CD300LD: variants seen among roughly 807,000 people sequenced by gnomAD.
CD300LD encodes CMRF35-like molecule 5.
A neutral mutation model predicts 20.3 loss-of-function variants in CD300LD; 18 were observed. The observed-to-expected ratio is 0.89, with a 90% CI of 0.61 to 1.32. CD300LD has a LOEUF of 1.32. Among genes scored for constraint, CD300LD ranks in the 40% most tolerant of loss-of-function variants. The pLI, the probability that CD300LD is intolerant of heterozygous loss-of-function variation, is 0.00. For synonymous variants in CD300LD, 104 were observed against 90.1 expected (o/e 1.15, Z -0.87); for missense variants, 195 against 226.6 (o/e 0.86, Z 0.90).
In CD300LD at chr17:74,591,268, AAATAAT is replaced by A. The variant is rs58060319; in HGVS notation, c.40+889_40+894del. ...ATCTCTACAAAAAAAAAAAAAATAA[AAATAAT>A]AATAATAATAATAATAATCTATTTT... is the stretch of plus-strand genomic sequence containing the variant. On this transcript the variant is annotated intron_variant, in intron 1 of 3. Coordinates refer to ENST00000375352, the MANE Select transcript of CD300LD (RefSeq NM_001115152.2). 5.6e-5 allele frequency among the ~76,000 whole-genome samples: 8 copies of A among 142,390 alleles called. No homozygotes were observed. The South Asian group carries it at 1.1e-3, about 19-fold the overall frequency. The allele number at this position is 142,390 out of a possible 152,430, so 93.4% of individuals were successfully genotyped here.
At chr17:74,582,172 A>G (rs371069123) in intron 3 of CD300LD, 46 bp downstream of exon 3, 548 of 1,522,056 alleles carry the variant, frequency 3.6e-4, no homozygotes, top group Non-Finnish European at 4.5e-4. Flanking sequence ...AGGAGAGGCC[A>G]TGGGGCCAGG....
chr17:74,582,432 G>A (rs1011347672), intron 2 of CD300LD, 121 bp from the exon 3 acceptor site: 2 of 644,612 alleles, frequency 3.1e-6, no homozygotes, highest in Non-Finnish European at 5.4e-6. Flanking sequence ...AAGACTGTCT[G>A]GTCAGCATCC....
chr17:74,589,297 AC>A (rs1300349287), intron 1 of CD300LD, among the ~76,000 whole-genome samples: 3 of 129,054 alleles, frequency 2.3e-5, no homozygotes, highest in Admixed American at 1.5e-4. Flanking sequence ...GTAGTTAATC[AC>A]CCTGAATGAA....
At chr17:74,588,348 G>A (rs1392313343) in intron 2 of CD300LD, among the ~76,000 whole-genome samples, 163 bp downstream of exon 2, 1 of 152,124 alleles carries the variant, frequency 6.6e-6, no homozygotes, top group Admixed American at 6.5e-5. Context: ...GTTTCAACAC[G>A]AGTTTTGGAG....
intron 1 of CD300LD, among the ~76,000 whole-genome samples, chr17:74,591,421 A>C (rs978232588): frequency 1.3e-5 from 2 of 152,092 alleles, no homozygotes; most frequent in African/African-American, 4.8e-5. Context: ...ACTACGTATC[A>C]AAATTTGTTG....
intron 1 of CD300LD, among the ~76,000 whole-genome samples, chr17:74,591,817 C>CA (rs140652199): frequency 1.1e-3 from 144 of 132,104 alleles, no homozygotes; most frequent in East Asian, 5.3e-3. Flanking sequence ...GACACCAGCT[C>CA]AAAAAAAAAA....
downstream of CD300LD, among the ~76,000 whole-genome samples, chr17:74,578,752 T>C (rs2029970716): frequency 6.6e-6 from 1 of 152,152 alleles, no homozygotes; most frequent in Non-Finnish European, 1.5e-5. Context: ...AGTTGGGTGA[T>C]CCTGGTTCAT....
chr17:74,586,025 T>A (rs1336380320), intron 2 of CD300LD, among the ~76,000 whole-genome samples: 2 of 152,156 alleles, frequency 1.3e-5, no homozygotes, highest in Non-Finnish European at 2.9e-5. Flanking sequence ...TTTTTACATA[T>A]CATGTAAGGG....
chr17:74,583,799 T>C (rs1029182356), intron 2 of CD300LD, among the ~76,000 whole-genome samples: 48 of 149,630 alleles, frequency 3.2e-4, no homozygotes, highest in African/African-American at 1.2e-3. Context: ...GTCACTCAGG[T>C]TGCAGTGCAG....
At chr17:74,587,524 C>A (rs1009587705) in intron 2 of CD300LD, among the ~76,000 whole-genome samples, 2 of 152,186 alleles carry the variant, frequency 1.3e-5, no homozygotes, top group Non-Finnish European at 2.9e-5. Flanking sequence ...GAAAACATAT[C>A]TCATTTCATT....
chr17:74,586,924 C>G (rs1210898291), intron 2 of CD300LD, among the ~76,000 whole-genome samples: 1 of 152,128 alleles, frequency 6.6e-6, no homozygotes, highest in Non-Finnish European at 1.5e-5. Flanking sequence ...CAGTTACACC[C>G]TTCTTTACGG....
chr17:74,587,674 G>A (rs1259032373), intron 2 of CD300LD, among the ~76,000 whole-genome samples: 1 of 152,002 alleles, frequency 6.6e-6, no homozygotes, highest in East Asian at 1.9e-4. Context: ...ATTGACTTGA[G>A]GCCCTTCTCC....
At chr17:74,580,238 GC>G in intron 3 of CD300LD, 125 bp from the exon 4 acceptor site, 1 of 672,234 alleles carries the variant, frequency 1.5e-6, no homozygotes, top group Non-Finnish European at 2.7e-6. Context: ...CCCCAGACAG[GC>G]CAGCCCCTTT....
chr17:74,582,815 C>A (rs1248741972), intron 2 of CD300LD, among the ~76,000 whole-genome samples: 1 of 152,162 alleles, frequency 6.6e-6, no homozygotes, highest in African/African-American at 2.4e-5. Context: ...CTCCCTACCC[C>A]TGTTGAAGTC....
chr17:74,582,406 C>T (rs2030057112), intron 2 of CD300LD, 95 bp from the exon 3 acceptor site: 1 of 954,928 alleles, frequency 1.0e-6, no homozygotes, highest in Non-Finnish European at 1.6e-6. Flanking sequence ...ATTAAGGAGC[C>T]TCTGCCTTGG....
intron 2 of CD300LD, among the ~76,000 whole-genome samples, chr17:74,585,441 G>A (rs1192255133): frequency 2.6e-5 from 4 of 152,074 alleles, no homozygotes; most frequent in African/African-American, 7.2e-5. Context: ...ATGAAAACTG[G>A]CCTGTGTCAC....
Position 74,588,491 on chromosome 17 carries a change from G to A in CD300LD, c.379+20C>T, listed in dbSNP as rs757905488. 1.4e-5 allele frequency: 21 copies of A among 1,528,060 alleles called. No individual in the cohort carries two copies. The highest frequency in any genetic ancestry group is 6.8e-5 in the Admixed American group (4 of 58,934). 94.7% of individuals were successfully genotyped at this position (1,528,060 alleles called of 1,614,324 possible). A position where few individuals can be genotyped will look rare whatever the true frequency, so the allele number is the denominator to read the frequency against. ...AGAGCAGGACCTGAGAGACACACAC[G>A]TATATACACTCCCTCTTACCTGGGT... On this transcript the variant is annotated intron_variant, in intron 2 of 3. Coordinates refer to ENST00000375352, the MANE Select transcript of CD300LD (RefSeq NM_001115152.2).
At chr17:74,587,840 A>G (rs1313135267) in intron 2 of CD300LD, among the ~76,000 whole-genome samples, 2 of 151,122 alleles carry the variant, frequency 1.3e-5, no homozygotes, top group African/African-American at 4.9e-5. Flanking sequence ...TCAGGCACTG[A>G]GCTGTGCAGA....
chr17:74,586,192 C>T (rs1084667), intron 2 of CD300LD, among the ~76,000 whole-genome samples: 12,278 of 152,154 alleles, frequency 0.081, 692 homozygotes, highest in East Asian at 0.19. Flanking sequence ...ACAAAAAACT[C>T]GGGAAATTTT....
Sources: allele counts gnomAD v4.1 joint callset (sites outside exome capture counted in the v4.1 genomes callset), GRCh38; gene constraint gnomAD v4.1.1; transcripts MANE v1.5; gene names NCBI Gene and HGNC (gene_info 2026-07-23, HGNC 2026-07-21).